CLTB: variants seen among roughly 807,000 people sequenced by gnomAD.
CLTB encodes clathrin light chain B.
In CLTB, 10 loss-of-function variants were observed where a neutral mutation model predicts 30.5. The ratio of observed to expected loss-of-function variants is 0.33; its 90% confidence interval spans 0.20 to 0.56. The LOEUF is 0.56. Ranked by LOEUF, CLTB falls within the 20% of genes least tolerant of loss-of-function variation. CLTB has a pLI of 0.91. For synonymous variants in CLTB, 102 were observed against 120.3 expected (o/e 0.85, Z 1.00); for missense variants, 261 against 308.3 (o/e 0.85, Z 1.15).
rs1329636787 is a variant in CLTB, at chr5:176,396,468, CAG to C, written c.518+9_518+10del. ...TAGCTCCCCCAACAGAGAAGCAAAA[CAG>C]ACACGTACACGTAGCCGATGATATC... On this transcript the variant is annotated intron_variant, in intron 5 of 5. Coordinates refer to ENST00000310418, the MANE Select transcript of CLTB (RefSeq NM_007097.5). The C allele has an allele frequency of 6.2e-7, 1 of 1,612,522 alleles. No homozygotes were observed. The highest frequency in any genetic ancestry group is 2.2e-5 in the East Asian group (1 of 44,886).
At chr5:176,396,890 T>C (rs999183075) in intron 4 of CLTB, among the ~76,000 whole-genome samples, 1 of 152,128 alleles carries the variant, frequency 6.6e-6, no homozygotes, top group African/African-American at 2.4e-5. Flanking sequence ...TGGCCCCCTG[T>C]TGCCTAATAC....
At chr5:176,413,641 C>G (rs934280005) in intron 1 of CLTB, among the ~76,000 whole-genome samples, 4 of 152,378 alleles carry the variant, frequency 2.6e-5, no homozygotes, top group Admixed American at 2.0e-4. Flanking sequence ...GCTAAGCCAG[C>G]TTTTGCCCAG....
chr5:176,397,880 C>A, intron 3 of CLTB, 50 bp downstream of exon 3: 12 of 1,538,520 alleles, frequency 7.8e-6, no homozygotes, highest in Non-Finnish European at 9.9e-6. Flanking sequence ...CCCCACACTC[C>A]ACCCCACACA....
chr5:176,407,242 T>C (rs1757177282), intron 2 of CLTB, among the ~76,000 whole-genome samples: 1 of 152,200 alleles, frequency 6.6e-6, no homozygotes, highest in Admixed American at 6.5e-5. Flanking sequence ...CATTCACCAC[T>C]TCACCTCTCT....
intron 2 of CLTB, 63 bp downstream of exon 2, chr5:176,410,194 G>C (rs2113678501): frequency 7.1e-7 from 1 of 1,399,704 alleles, no homozygotes; most frequent in Non-Finnish European, 1.0e-6. Flanking sequence ...CAACAATGAG[G>C]CTTTAGGTTA....
rs368213821 is a variant in CLTB, at chr5:176,410,290, G to A, written c.201C>T (p.Asp67=). 3.3e-5 allele frequency: 53 copies of A among 1,613,832 alleles called. No individual in the cohort carries two copies. The highest frequency in any genetic ancestry group is 4.5e-5 in the Non-Finnish European group (53 of 1,179,900). The part of the protein sequence containing the change: ...PGPTSGAGSE[D]MGTTVNGDVF... ...CATCTCCATTGACTGTGGTCCCCAT[G>A]TCCTCAGAACCAGCTGGAAAGAGAA... Residue 67 remains aspartate, a synonymous_variant, in exon 2 of 6, where the codon GAC becomes GAT. Transcript: ENST00000310418.
chr5:176,397,809 C>T, intron 3 of CLTB, 91 bp from the exon 4 acceptor site: 1 of 1,498,604 alleles, frequency 6.7e-7, no homozygotes. Flanking sequence ...CAGGCAGCCA[C>T]AGGGCCGCAC....
chr5:176,406,376 C>A, intron 2 of CLTB: 1 of 1,131,718 alleles, frequency 8.8e-7, no homozygotes, highest in Non-Finnish European at 1.1e-6. Flanking sequence ...GCTGGGCCCA[C>A]CCATGAGAAC....
At chr5:176,415,489 T>G (rs1475320977) in intron 1 of CLTB, among the ~76,000 whole-genome samples, 3 of 151,978 alleles carry the variant, frequency 2.0e-5, no homozygotes, top group Non-Finnish European at 2.9e-5. Flanking sequence ...TCAAGACCAG[T>G]CTGGGCAACA....
rs758244209 is a variant in CLTB at position 176,392,621 on chromosome 5, G to A, written c.*153C>T. On this transcript the variant is annotated 3_prime_UTR_variant, in exon 6 of 6. Transcript: ENST00000310418. This position sits in a 1 kb window ranked among gnomAD's most constrained non-coding sequence, Gnocchi z 5.2. Reference sequence around the variant, plus strand: ...GGGCCAGGAGGGAGCGAGGCGTGATGGGGTGAGGGCCCCCCTCCCAGCGCC... The same window carrying A: ...GGGCCAGGAGGGAGCGAGGCGTGATAGGGTGAGGGCCCCCCTCCCAGCGCC... 51 of 808,590 alleles carry A rather than the reference G, an allele frequency of 6.3e-5. No individual in the cohort carries two copies. The highest frequency in any genetic ancestry group is 9.0e-5 in the Non-Finnish European group (46 of 513,574). The allele number at this position is 808,590 out of a possible 1,614,324, so 50.1% of individuals were successfully genotyped here. A position where few individuals can be genotyped will look rare whatever the true frequency, so the allele number is the denominator to read the frequency against.
chr5:176,397,158 C>T (rs1291775727), intron 4 of CLTB, among the ~76,000 whole-genome samples: 3 of 152,148 alleles, frequency 2.0e-5, no homozygotes, highest in Admixed American at 6.5e-5. Flanking sequence ...TCCTCCGTGC[C>T]TACCCCAGAG....
chr5:176,406,098 CA>C, intron 2 of CLTB: 1 of 958,208 alleles, frequency 1.0e-6, no homozygotes. Context: ...CCCCTGTCCC[CA>C]CCCCTACCCT....
At chr5:176,399,036 G>A (rs1180102614) in intron 2 of CLTB, among the ~76,000 whole-genome samples, 3 of 151,982 alleles carry the variant, frequency 2.0e-5, no homozygotes, top group Admixed American at 6.6e-5. Context: ...TAGAGACGGG[G>A]TTTCTCCATG....
intron 2 of CLTB, chr5:176,401,960 G>A (rs1581433099): frequency 8.8e-6 from 3 of 340,114 alleles, no homozygotes; most frequent in South Asian, 2.2e-5. Context: ...CAAAATGCCC[G>A]AATGACCTAT....
At chr5:176,404,478 T>C (rs1757001130) in intron 2 of CLTB, among the ~76,000 whole-genome samples, 1 of 152,206 alleles carries the variant, frequency 6.6e-6, no homozygotes, top group African/African-American at 2.4e-5. Flanking sequence ...GTTAAGTGAC[T>C]AGCCCACAGC....
chr5:176,408,868 A>G (rs948704375), intron 2 of CLTB, among the ~76,000 whole-genome samples: 1 of 152,238 alleles, frequency 6.6e-6, no homozygotes, highest in Non-Finnish European at 1.5e-5. Flanking sequence ...GAATTTGTAA[A>G]CAACCCAGTG....
chr5:176,415,921 T>A (rs1757668916), intron 1 of CLTB, among the ~76,000 whole-genome samples: 1 of 152,150 alleles, frequency 6.6e-6, no homozygotes, highest in Non-Finnish European at 1.5e-5. Flanking sequence ...AGCCGGGCAG[T>A]GGGGAAGCTG....
intron 2 of CLTB, among the ~76,000 whole-genome samples, chr5:176,398,668 C>T (rs1756669039): frequency 6.6e-6 from 1 of 151,964 alleles, no homozygotes; most frequent in South Asian, 2.1e-4. Context: ...GCCGAGATCA[C>T]ACCATTGCAC....
chr5:176,408,034 T>C (rs903208286), intron 2 of CLTB, among the ~76,000 whole-genome samples: 1 of 152,050 alleles, frequency 6.6e-6, no homozygotes, highest in Non-Finnish European at 1.5e-5. Context: ...TGAGTGGGAA[T>C]GAAGGCTCTG....
Sources: gnomAD v4.1 joint callset for allele counts (sites outside exome capture counted in the v4.1 genomes callset) on GRCh38, gnomAD v4.1.1 for gene constraint, Gnocchi (gnomAD v3.1) non-coding constraint, MANE v1.5 for transcripts, NCBI Gene and HGNC (gene_info 2026-07-23, HGNC 2026-07-21) for gene names.